Variants in CALN1 observed in about 807,000 individuals in gnomAD.
CALN1 encodes calcium-binding protein 8.
In CALN1, 17 loss-of-function variants were observed where a neutral mutation model predicts 30.6. That is an observed-to-expected ratio of 0.56 (90% CI 0.38 to 0.83). CALN1 has a LOEUF of 0.83. CALN1 is among the 40% of genes least tolerant of loss of function. The pLI, the probability that CALN1 is intolerant of heterozygous loss-of-function variation, is 0.00. For missense variants in CALN1, 291 were observed against 354.9 expected, an observed-to-expected ratio of 0.82 and a Z score of 1.45; for synonymous variants, 156 against 131.4, an observed-to-expected ratio of 1.19 and a Z score of -1.28.
chr7:72,194,349 G>A (rs544081825), intron 3 of CALN1, among the ~76,000 whole-genome samples: 4 of 152,138 alleles, frequency 2.6e-5, no homozygotes, highest in African/African-American at 9.6e-5. Flanking sequence ...TGGCCAACAC[G>A]GTGAAACCCT....
upstream of CALN1, among the ~76,000 whole-genome samples, chr7:72,412,593 C>G (rs1807254772): frequency 6.6e-6 from 1 of 152,144 alleles, no homozygotes; most frequent in African/African-American, 2.4e-5. Flanking sequence ...TCCCCACTGA[C>G]CCAGAAGCCC....
chr7:72,255,731 AT>A (rs10536438), intron 3 of CALN1, among the ~76,000 whole-genome samples: 27,833 of 137,376 alleles, frequency 0.2, 3,508 homozygotes, highest in East Asian at 0.45. Flanking sequence ...CACTTAAATA[AT>A]TTTTTTTTTT....
chr7:72,295,001 A>C (rs891463218), intron 2 of CALN1, among the ~76,000 whole-genome samples: 1 of 151,874 alleles, frequency 6.6e-6, no homozygotes, highest in Non-Finnish European at 1.5e-5. Flanking sequence ...CGTATTTAAA[A>C]AGTTGGTCTA....
At chr7:72,353,966 C>CACCTGAAGGGTGGATCA (rs1239226614) in intron 2 of CALN1, among the ~76,000 whole-genome samples, 2 of 152,154 alleles carry the variant, frequency 1.3e-5, no homozygotes, top group African/African-American at 4.8e-5. Flanking sequence ...GTGGGTGGAT[C>CACCTGAAGGGTGGATCA]ACCTGAAGTC....
rs996519063 is a variant in CALN1, at chr7:72,291,137, T to C, written c.120-12327A>G. ...CAGGATTTCACCATGTTGGCCAGGC[T>C]GGTTTCGAACTCCTGCCTCAAGTGA... On this transcript the variant is annotated intron_variant, in intron 2 of 6. Transcript: ENST00000395275. Among the ~76,000 whole-genome samples the C allele has an allele frequency of 4.0e-4, 61 of 152,186 alleles. 1 individual carries two copies.
Position 72,308,378 on chromosome 7 carries a change from A to G in CALN1, c.120-29568T>C, listed in dbSNP as rs1194882732. Among the ~76,000 whole-genome samples the G allele has an allele frequency of 4.4e-3, 124 of 27,946 alleles. 1 individual carries two copies. Among genetic ancestry groups the G allele is most frequent in the East Asian group, 0.018 (4 of 228 alleles). 18.3% of individuals were successfully genotyped at this position (27,946 alleles called of 152,430 possible). A position where few individuals can be genotyped will look rare whatever the true frequency, so the allele number is the denominator to read the frequency against. Reference sequence around the variant, plus strand: ...GATGCTGTCTGTGGGGGGGGGAGAGAGAGAGAGAGAGAGAGAGAGAGAGAG... The same window carrying G: ...GATGCTGTCTGTGGGGGGGGGAGAGGGAGAGAGAGAGAGAGAGAGAGAGAG... On this transcript the variant is annotated intron_variant, in intron 2 of 6. Transcript: ENST00000395275.
intron 2 of CALN1, among the ~76,000 whole-genome samples, chr7:72,301,136 A>G (rs1175650229): frequency 2.0e-5 from 3 of 152,218 alleles, no homozygotes; most frequent in Admixed American, 6.5e-5. Context: ...GCCAGGCTGA[A>G]AGCATGCAAA....
intron 5 of CALN1, among the ~76,000 whole-genome samples, chr7:71,985,584 C>CTTTT (rs962922789): frequency 4.5e-4 from 43 of 96,428 alleles, no homozygotes; most frequent in East Asian, 1.5e-3. Flanking sequence ...AGGTAGTTTT[C>CTTTT]TTTTTTTTTT....
At chr7:72,387,204 G>T in intron 2 of CALN1, among the ~76,000 whole-genome samples, 1 of 126,610 alleles carries the variant, frequency 7.9e-6, no homozygotes, top group Non-Finnish European at 1.7e-5. Context: ...GAGGGAGGGA[G>T]GGAGGGAAGG....
Position 72,439,403 on chromosome 7 carries a change from C to T in CALN1, c.-226+7639G>A, listed in dbSNP as rs184678340. ...TGTTGACTGGAAGCCTTACTGATAA[C>T]GTAAACAGTTGATTAACACATATGT... On this transcript the variant is annotated intron_variant, in intron 1 of 6. Coordinates refer to the CALN1 transcript ENST00000395276. Among the ~76,000 whole-genome samples, 59 of 152,070 alleles carry T rather than the reference C, an allele frequency of 3.9e-4. 1 individual carries two copies. In the East Asian group the frequency reaches 9.5e-3, roughly 24 times the overall value.
At chr7:71,867,850 G>A (rs1357387524) in intron 5 of CALN1, among the ~76,000 whole-genome samples, 2 of 152,174 alleles carry the variant, frequency 1.3e-5, no homozygotes, top group Non-Finnish European at 2.9e-5. Context: ...ACAGAGCCAC[G>A]CCAAAGGCAG....
chr7:72,465,854 C>G, the CALN1 span, among the ~76,000 whole-genome samples: 6 of 152,220 alleles, frequency 3.9e-5, no homozygotes, highest in Non-Finnish European at 8.8e-5. Context: ...TCTCTTCAGC[C>G]TTCCAGGCTC....
chr7:72,498,894 T>C, the CALN1 span, among the ~76,000 whole-genome samples: 1 of 152,166 alleles, frequency 6.6e-6, no homozygotes, highest in East Asian at 1.9e-4. Context: ...TATACTTATT[T>C]TGCAAAATAT....
intron 3 of CALN1, among the ~76,000 whole-genome samples, chr7:72,114,309 G>GAAGGGAAGGGAAGGCAAGGC (rs1350961654): frequency 3.5e-4 from 34 of 97,950 alleles, no homozygotes; most frequent in African/African-American, 4.9e-4. Context: ...GAAGGGAAGG[G>GAAGGGAAGGGAAGGCAAGGC]AAGGCAACAC....
chr7:72,248,953 GA>G, intron 3 of CALN1, among the ~76,000 whole-genome samples: 2 of 152,208 alleles, frequency 1.3e-5, no homozygotes, highest in Admixed American at 1.3e-4. Context: ...AGATATAAGA[GA>G]AAGGCTTAAA....
intron 4 of CALN1, among the ~76,000 whole-genome samples, chr7:72,087,782 G>A (rs940280745): frequency 1.4e-4 from 21 of 152,298 alleles, no homozygotes; most frequent in Non-Finnish European, 4.4e-5. Flanking sequence ...GATAAGGCTA[G>A]TAAGAGAGAT....
At chr7:72,242,236 T>C (rs1319007706) in intron 3 of CALN1, among the ~76,000 whole-genome samples, 1 of 152,168 alleles carries the variant, frequency 6.6e-6, no homozygotes, top group Non-Finnish European at 1.5e-5. Flanking sequence ...TGAATAATAT[T>C]CCATTCAATG....
chr7:72,138,225 T>C (rs1372523063), intron 3 of CALN1, among the ~76,000 whole-genome samples: 2 of 152,050 alleles, frequency 1.3e-5, no homozygotes, highest in East Asian at 1.9e-4. Context: ...ATATATGACA[T>C]GTAAAGATGG....
intron 5 of CALN1, among the ~76,000 whole-genome samples, chr7:71,894,812 T>C (rs1793448234): frequency 6.6e-6 from 1 of 152,236 alleles, no homozygotes; most frequent in Admixed American, 6.5e-5. Flanking sequence ...TTAATTTGTA[T>C]CAATTCTGTA....
Sources: gnomAD v4.1 joint callset for allele counts (sites outside exome capture counted in the v4.1 genomes callset) on GRCh38, gnomAD v4.1.1 for gene constraint, MANE v1.5 for transcripts, NCBI Gene and HGNC (gene_info 2026-07-23, HGNC 2026-07-21) for gene names.